Variants in PLS1 observed in about 807,000 individuals in gnomAD.
PLS1 encodes plastin-1.
PLS1 carries 32 observed loss-of-function variants against 73.7 expected under a neutral mutation model. The ratio of observed to expected loss-of-function variants is 0.43; its 90% CI spans 0.33 to 0.58. PLS1 has a LOEUF of 0.58. Among genes scored for constraint, PLS1 ranks in the 20% least tolerant of loss-of-function variants. The probability of loss-of-function intolerance (pLI) is 0.04; values close to 1 mark genes in which losing one functional copy is unlikely to be tolerated. For missense variants in PLS1, 633 were observed against 740.5 expected, an observed-to-expected ratio of 0.85 and a Z score of 1.68; for synonymous variants, 217 against 261.3, an observed-to-expected ratio of 0.83 and a Z score of 1.63.
At chr3:142,615,153 G>C (rs570506065) in intron 1 of PLS1, among the ~76,000 whole-genome samples, 6 of 152,274 alleles carry the variant, frequency 3.9e-5, no homozygotes, top group African/African-American at 1.2e-4. Context: ...GCTTAGTTGT[G>C]GGTGGGAAGG....
At chr3:142,634,082 G>C (rs939063208) in intron 1 of PLS1, among the ~76,000 whole-genome samples, 3 of 152,140 alleles carry the variant, frequency 2.0e-5, no homozygotes, top group African/African-American at 7.2e-5. Flanking sequence ...CATTGCAGAA[G>C]AAAAGATTAG....
chr3:142,687,634 G>A (rs1187306600), intron 9 of PLS1, among the ~76,000 whole-genome samples: 1 of 152,030 alleles, frequency 6.6e-6, no homozygotes, highest in East Asian at 1.9e-4. Flanking sequence ...TCATCCCTCA[G>A]TTTCAACATC....
At chr3:142,600,857 G>A (rs1158542430) in intron 1 of PLS1, among the ~76,000 whole-genome samples, 1 of 130,060 alleles carries the variant, frequency 7.7e-6, no homozygotes, top group Non-Finnish European at 1.6e-5. Context: ...CAGTGGGGAA[G>A]GGAAGGGTTG....
intron 5 of PLS1, among the ~76,000 whole-genome samples, chr3:142,677,219 T>C (rs547568904): frequency 1.3e-5 from 2 of 152,370 alleles, no homozygotes; most frequent in South Asian, 4.1e-4. Flanking sequence ...TTCGTATCTT[T>C]CTGCAACAAC....
At chr3:142,615,635 A>G (rs2036201649) in intron 1 of PLS1, among the ~76,000 whole-genome samples, 1 of 152,030 alleles carries the variant, frequency 6.6e-6, no homozygotes, top group Non-Finnish European at 1.5e-5. Flanking sequence ...TCTTCCCAGG[A>G]GCTTAATGTC....
chr3:142,665,534 C>A (rs2037464437), intron 2 of PLS1, among the ~76,000 whole-genome samples: 1 of 151,970 alleles, frequency 6.6e-6, no homozygotes, highest in African/African-American at 2.4e-5. Context: ...AAAAACTGGG[C>A]AATTGTTGAA....
At chr3:142,673,806 C>T (rs1240035131) in intron 4 of PLS1, 1 of 152,164 alleles carries the variant, frequency 6.6e-6, no homozygotes, top group African/African-American at 2.4e-5. Flanking sequence ...TAGCTGCACT[C>T]CCCTGCTAGA....
At chr3:142,656,537 A>G (rs1238670894) in intron 1 of PLS1, 2 of 152,246 alleles carry the variant, frequency 1.3e-5, no homozygotes, top group Admixed American at 6.5e-5. Context: ...GGACAGGTTG[A>G]TATGGAATAT....
chr3:142,600,914 ATATTTTTTT>A (rs2035912704), intron 1 of PLS1, among the ~76,000 whole-genome samples: 1 of 19,028 alleles, frequency 5.3e-5, no homozygotes, highest in Non-Finnish European at 8.4e-5. Flanking sequence ...ATATATATAT[ATATTTTTTT>A]TTTTTTTTTT....
Position 142,713,566 on chromosome 3 carries a change from T to C in PLS1, c.*1559T>C, listed in dbSNP as rs1441907309. 1.3e-5 allele frequency: 2 copies of C among 152,592 alleles called. No individual in the cohort carries two copies. The highest frequency in any genetic ancestry group is 3.8e-4 in the East Asian group (2 of 5,200). 9.5% of individuals were successfully genotyped at this position (152,592 alleles called of 1,614,324 possible). ...GTTTCCCTCTGATTTTTTTTCACCA[T>C]TGTATTTACTAAGTTATTGGATTTA... On this transcript the variant is annotated 3_prime_UTR_variant, in exon 16 of 16. Transcript: ENST00000457734.
At position 142,629,543 on chromosome 3, in the gene PLS1, C is replaced by T. The variant is rs373094091; in HGVS notation, c.-37+33034C>T. The stretch of plus-strand genomic sequence containing the variant: ...TATAAAGTTCCTGGCACATATTCAT[C>T]AGAATTCTGATTAGCACACATGGGT... On this transcript the variant is annotated intron_variant, in intron 1 of 15. Coordinates refer to ENST00000457734, the MANE Select transcript of PLS1 (RefSeq NM_001145319.2). Among the ~76,000 whole-genome samples, 3 of 152,228 alleles carry T rather than the reference C, an allele frequency of 2.0e-5. No individual in the cohort carries two copies. The East Asian group carries it at 5.8e-4, about 29-fold the overall frequency.
Position 142,704,463 on chromosome 3 carries a change from G to T in PLS1, c.1506G>T (p.Arg502Ser). 6.3e-7 allele frequency: 1 copy of T among 1,597,124 alleles called. No homozygotes were observed. Among genetic ancestry groups the T allele is most frequent in the Non-Finnish European group, 8.5e-7 (1 of 1,169,876 alleles). ...CAAATATACATCTTTTCTGTTGCAG[G>T]TACACATTGAATGTGTTATCGGATC... ...TLALVWQLMRRYTLNVLSDLG... is the reference protein window; with the variant it reads ...TLALVWQLMRSYTLNVLSDLG... Residue 502 changes from arginine to serine, a missense_variant and splice_region_variant, in exon 14 of 16, where the codon AGG becomes AGT. Physicochemically the swap from Arg to Ser is moderately radical, Grantham distance 110. Coordinates refer to ENST00000457734, the MANE Select transcript of PLS1 (RefSeq NM_001145319.2).
intron 5 of PLS1, among the ~76,000 whole-genome samples, chr3:142,677,539 G>A (rs1274046654): frequency 6.6e-6 from 1 of 152,076 alleles, no homozygotes; most frequent in Non-Finnish European, 1.5e-5. Context: ...AGCTACTCGG[G>A]AGGCTGAGGC....
chr3:142,599,320 ATTC>A (rs1323778743), intron 1 of PLS1, among the ~76,000 whole-genome samples: 4 of 137,248 alleles, frequency 2.9e-5, no homozygotes, highest in African/African-American at 1.1e-4. Flanking sequence ...GGACTCAGAT[ATTC>A]TTTTTTTTTT....
chr3:142,664,423 CT>C (rs1410997590), intron 2 of PLS1, 116 bp downstream of exon 2: 16 of 522,064 alleles, frequency 3.1e-5, no homozygotes, highest in Admixed American at 7.0e-5. Flanking sequence ...AGATTTATTC[CT>C]TTTTTTCTAT....
chr3:142,661,433 C>T (rs2037367234), intron 1 of PLS1, among the ~76,000 whole-genome samples: 1 of 152,056 alleles, frequency 6.6e-6, no homozygotes, highest in Non-Finnish European at 1.5e-5. Flanking sequence ...TAATTAGAAC[C>T]AGGCCCCAGA....
chr3:142,669,597 A>G (rs779572752), intron 3 of PLS1, 44 bp downstream of exon 3: 1 of 1,453,018 alleles, frequency 6.9e-7, no homozygotes, highest in South Asian at 1.3e-5. Flanking sequence ...TCTTGCTTAG[A>G]GCAGAATTGT....
At chr3:142,615,127 A>G (rs4398471) in intron 1 of PLS1, among the ~76,000 whole-genome samples, 32,929 of 152,066 alleles carry the variant, frequency 0.22, 4,508 homozygotes, top group African/African-American at 0.39. Flanking sequence ...GCACTGAAGA[A>G]TAGCCCCAGG....
At chr3:142,649,968 AC>A (rs2037045949) in intron 1 of PLS1, among the ~76,000 whole-genome samples, 1 of 152,144 alleles carries the variant, frequency 6.6e-6, no homozygotes, top group Non-Finnish European at 1.5e-5. Context: ...TGAGGAAGTG[AC>A]TTGCCTCCCA....
Sources: gnomAD v4.1 joint callset for allele counts (sites outside exome capture counted in the v4.1 genomes callset) on GRCh38, gnomAD v4.1.1 for gene constraint, MANE v1.5 for transcripts, NCBI Gene and HGNC (gene_info 2026-07-23, HGNC 2026-07-21) for gene names.